Variants in COL9A1 observed in about 807,000 individuals in gnomAD.
COL9A1 encodes the protein collagen type IX alpha 1 chain.
In COL9A1, 104 loss-of-function variants were observed where a neutral mutation model predicts 142.6. The ratio of observed to expected loss-of-function variants is 0.73; its 90% CI spans 0.62 to 0.86. The LOEUF (loss-of-function observed/expected upper bound fraction) is 0.86, where lower values mean the gene tolerates loss of function less well. Ranked by LOEUF, COL9A1 falls within the 40% of genes least tolerant of loss-of-function variation. COL9A1 has a pLI of 0.00. For missense variants in COL9A1, 1,210 were observed against 1,176.6 expected (o/e 1.03, Z -0.42); for synonymous variants, 466 against 396.0 (o/e 1.18, Z -2.10).
At chr6:70,295,272 T>C (rs917425466) in intron 4 of COL9A1, among the ~76,000 whole-genome samples, 1 of 148,212 alleles carries the variant, frequency 6.7e-6, no homozygotes, top group Non-Finnish European at 1.5e-5. Flanking sequence ...TGCAACTCTG[T>C]TGTTGCTTCT....
chr6:70,245,438 C>T (rs1205956641), intron 28 of COL9A1, among the ~76,000 whole-genome samples: 3 of 152,148 alleles, frequency 2.0e-5, no homozygotes, highest in Non-Finnish European at 2.9e-5. Context: ...AAACGGGTTA[C>T]CCATGGCACC....
At chr6:70,253,070 T>C (rs948115545) in intron 26 of COL9A1, among the ~76,000 whole-genome samples, 1 of 152,202 alleles carries the variant, frequency 6.6e-6, no homozygotes, top group Non-Finnish European at 1.5e-5. Context: ...CTAATAATAG[T>C]CTCTGACATA....
chr6:70,294,044 C>T (rs1773753642), intron 5 of COL9A1, 123 bp downstream of exon 5: 8 of 1,341,602 alleles, frequency 6.0e-6, no homozygotes, highest in Middle Eastern at 1.9e-4. Context: ...ACTTAACTTC[C>T]TCTGATTCCA....
chr6:70,289,318 G>A (rs953779773), intron 5 of COL9A1, among the ~76,000 whole-genome samples: 2 of 152,014 alleles, frequency 1.3e-5, no homozygotes, highest in Non-Finnish European at 2.9e-5. Flanking sequence ...GCAACACTAT[G>A]GGCACAGCTG....
intron 5 of COL9A1, among the ~76,000 whole-genome samples, chr6:70,292,054 T>G (rs1417268940): frequency 6.6e-6 from 1 of 152,208 alleles, no homozygotes; most frequent in Admixed American, 6.5e-5. Context: ...AAGTGTAAGT[T>G]GGCTTTCCTT....
At chr6:70,271,998 G>A in intron 13 of COL9A1, 67 bp downstream of exon 13, 2 of 1,466,690 alleles carry the variant, frequency 1.4e-6, no homozygotes, top group African/African-American at 1.4e-5. Flanking sequence ...AGGAGAATAA[G>A]GTGGGGATTT....
chr6:70,230,362 A>G (rs1272420820), intron 36 of COL9A1, among the ~76,000 whole-genome samples: 9 of 152,204 alleles, frequency 5.9e-5, no homozygotes, highest in African/African-American at 2.2e-4. Context: ...TCAGAAGTTA[A>G]ACTAAGAGAA....
chr6:70,246,371 CAA>C (rs1174390782), intron 28 of COL9A1: 1 of 149,846 alleles, frequency 6.7e-6, no homozygotes, highest in Non-Finnish European at 1.5e-5. Flanking sequence ...AAGAAACAAA[CAA>C]ACAAAAAAAA....
At chr6:70,240,831 G>A (rs1404847443) in intron 31 of COL9A1, 98 bp from the exon 32 acceptor site, 2 of 932,270 alleles carry the variant, frequency 2.1e-6, no homozygotes, top group Admixed American at 1.7e-5. Flanking sequence ...TGCCCACAGT[G>A]TTCCCAGAAT....
rs1033361118 is a variant in COL9A1 at position 70,261,992 on chromosome 6, C to T, written c.1395+1252G>A. 3.9e-5 allele frequency among the ~76,000 whole-genome samples: 6 copies of T among 152,120 alleles called. No individual in the cohort carries two copies. The South Asian group carries it at 8.3e-4, about 21-fold the overall frequency. ...ATAGCAGGAGGTAATCAAGCACTAACGGATATCCCCCAATGGACCACTTGA... is the reference window on the plus strand; with the variant it reads ...ATAGCAGGAGGTAATCAAGCACTAATGGATATCCCCCAATGGACCACTTGA... On this transcript the variant is annotated intron_variant, in intron 19 of 37. Transcript: ENST00000357250.
At chr6:70,272,172 A>T (rs113098563) in intron 12 of COL9A1, 84 bp from the exon 13 acceptor site, 1 of 1,124,970 alleles carries the variant, frequency 8.9e-7, no homozygotes, top group African/African-American at 1.6e-5. Flanking sequence ...AGCTAAAATA[A>T]ACCATAAACT....
intron 33 of COL9A1, among the ~76,000 whole-genome samples, chr6:70,236,916 G>A (rs1351557242): frequency 2.6e-5 from 4 of 151,934 alleles, no homozygotes; most frequent in African/African-American, 9.7e-5. Context: ...CCACCTCCCA[G>A]GTTCAAGCGA....
chr6:70,217,038 A>T lies in COL9A1; in HGVS notation c.2625T>A (p.Gly875=). 6.2e-7 allele frequency: 1 copy of T among 1,614,128 alleles called. No individual in the cohort carries two copies. The highest frequency in any genetic ancestry group is 8.5e-7 in the Non-Finnish European group (1 of 1,180,024). ...CTGCCACCCCTGGGGGGCCTCGCTCACCGTCTCGGCCATTTCTGCCATAGC... is the reference window on the plus strand; with the variant it reads ...CTGCCACCCCTGGGGGGCCTCGCTCTCCGTCTCGGCCATTTCTGCCATAGC... ...PASYGRNGRD[G]ERGPPGVAGI... is the part of the protein sequence containing the mutation. The change falls in exon 38 of 38, where the codon GGT becomes GGA. Residue 875 remains glycine (G), a synonymous_variant. Coordinates refer to ENST00000357250, the MANE Select transcript of COL9A1 (RefSeq NM_001851.6).
chr6:70,301,929 G>T, intron 2 of COL9A1, 72 bp downstream of exon 2: 1 of 1,270,996 alleles, frequency 7.9e-7, no homozygotes, highest in Non-Finnish European at 1.1e-6. Context: ...TCAGTCTTCA[G>T]TCAGCCACAG....
chr6:70,239,433 T>A, intron 32 of COL9A1, 147 bp from the exon 33 acceptor site: 1 of 628,834 alleles, frequency 1.6e-6, no homozygotes, highest in Non-Finnish European at 2.9e-6. Context: ...TAGACTCCAA[T>A]TTTGGATTCT....
intron 5 of COL9A1, among the ~76,000 whole-genome samples, chr6:70,288,463 C>A (rs1028565713): frequency 6.6e-6 from 1 of 152,176 alleles, no homozygotes; most frequent in African/African-American, 2.4e-5. Flanking sequence ...CAAGGAGATC[C>A]TTTTGAAAGA....
At position 70,300,322 on chromosome 6, in the gene COL9A1, T is replaced by C. The variant is rs763845718; in HGVS notation, c.153A>G (p.Gln51=). 2.4e-5 allele frequency: 38 copies of C among 1,613,748 alleles called. No individual in the cohort carries two copies. Among genetic ancestry groups the C allele is most frequent in the Non-Finnish European group, 3.2e-5 (38 of 1,179,738 alleles). The part of the protein sequence containing the change: ...NELCPKIRIG[Q]DDLPGFDLIS... Reference sequence around the variant, plus strand: ...ATTGCTACTCACCTGGTAAGTCATCTTGGCCAATCCTGATCTTTGGACAGA... The same window carrying C: ...ATTGCTACTCACCTGGTAAGTCATCCTGGCCAATCCTGATCTTTGGACAGA... Residue 51 remains glutamine (Q), a synonymous_variant, in exon 3 of 38, where the codon CAA becomes CAG. Coordinates refer to ENST00000357250, the MANE Select transcript of COL9A1 (RefSeq NM_001851.6).
intron 28 of COL9A1, among the ~76,000 whole-genome samples, chr6:70,249,925 A>G (rs1184332008): frequency 2.6e-5 from 4 of 152,136 alleles, no homozygotes; most frequent in Admixed American, 2.6e-4. Context: ...ACAAGTGCTC[A>G]GTCAATGTTC....
intron 10 of COL9A1, among the ~76,000 whole-genome samples, chr6:70,276,568 C>A (rs986851145): frequency 6.6e-6 from 1 of 152,250 alleles, no homozygotes. Flanking sequence ...CTGGAAAGTT[C>A]TTTGAACTAA....
Sources: gnomAD v4.1 joint callset for allele counts (sites outside exome capture counted in the v4.1 genomes callset) on GRCh38, gnomAD v4.1.1 for gene constraint, MANE v1.5 for transcripts, NCBI Gene and HGNC (gene_info 2026-07-23, HGNC 2026-07-21) for gene names.